The following IMPACT variants were observed in gnomAD, a reference collection of about 807,000 sequenced individuals.
IMPACT encodes impact RWD domain protein, also known as protein IMPACT.
IMPACT carries 35 observed loss-of-function variants against 47.5 expected under a neutral mutation model. That is an observed-to-expected ratio of 0.74 (90% confidence interval 0.56 to 0.98). IMPACT has a LOEUF of 0.98. Ranked by LOEUF, IMPACT falls within the 50% of genes least tolerant of loss-of-function variation. IMPACT has a pLI of 0.00. For missense variants in IMPACT, 373 were observed against 394.8 expected, an observed-to-expected ratio of 0.94 and a Z score of 0.47; for synonymous variants, 118 against 125.6, an observed-to-expected ratio of 0.94 and a Z score of 0.40.
At chr18:24,431,679 A>G (rs931247776) in intron 4 of IMPACT, among the ~76,000 whole-genome samples, 1 of 150,972 alleles carries the variant, frequency 6.6e-6, no homozygotes, top group Non-Finnish European at 1.5e-5. Flanking sequence ...TGCCCAGCTA[A>G]TTTTAATTTT....
chr18:24,432,933 C>T (rs915117872), intron 4 of IMPACT, among the ~76,000 whole-genome samples: 6 of 152,142 alleles, frequency 3.9e-5, no homozygotes, highest in Admixed American at 2.0e-4. Context: ...GGCTCTTCAC[C>T]TGCCTATCCC....
At chr18:24,447,629 T>G (rs1465050280) in intron 8 of IMPACT, among the ~76,000 whole-genome samples, 1 of 152,224 alleles carries the variant, frequency 6.6e-6, no homozygotes, top group Non-Finnish European at 1.5e-5. Context: ...ATGTTGGTTT[T>G]GTTGCCTTCA....
intron 1 of IMPACT, 196 bp from the exon 2 acceptor site, chr18:24,427,723 T>C: frequency 1.9e-6 from 1 of 539,208 alleles, no homozygotes. Context: ...GCTCCAGTCA[T>C]TGCAGTAGCG....
At chr18:24,426,864 C>G in intron 1 of IMPACT, 72 bp downstream of exon 1, 1 of 1,090,888 alleles carries the variant, frequency 9.2e-7, no homozygotes, top group Admixed American at 4.3e-5. Flanking sequence ...TCCTCCTCAG[C>G]CGAGGGGCCC....
In IMPACT at chr18:24,451,820, G is replaced by T. The variant is rs913159154; in HGVS notation, c.*973G>T. The T allele has an allele frequency of 1.3e-5, 2 of 152,140 alleles. No individual in the cohort carries two copies. The highest frequency in any genetic ancestry group is 4.8e-5 in the African/African-American group (2 of 41,404). 9.4% of individuals were successfully genotyped at this position (152,140 alleles called of 1,614,324 possible). ...ATCTGCACTCCAGACGGCTTTCTCAGTTCCAAGATTTTGCAGAGAGAAGGA... is the reference window on the plus strand; with the variant it reads ...ATCTGCACTCCAGACGGCTTTCTCATTTCCAAGATTTTGCAGAGAGAAGGA... On this transcript the variant is annotated 3_prime_UTR_variant, in exon 11 of 11. Transcript: ENST00000284202.
At position 24,445,388 on chromosome 18, in the gene IMPACT, T is replaced by C; in HGVS notation, c.595-5T>C. On this transcript the variant is annotated splice_region_variant and splice_polypyrimidine_tract_variant and intron_variant, in intron 7 of 10. Transcript: ENST00000284202. ...ATACTTATTTATATTATTGCTGTTT[T>C]TAAGGTGAAAATGGTTCTTTCCAAA... 6.5e-7 allele frequency: 1 copy of C among 1,550,048 alleles called. No individual in the cohort carries two copies.
chr18:24,450,150 C>T (rs749950538), intron 10 of IMPACT, among the ~76,000 whole-genome samples, 197 bp downstream of exon 10: 12 of 152,136 alleles, frequency 7.9e-5, no homozygotes, highest in South Asian at 2.1e-4. Flanking sequence ...TTAATCCCTT[C>T]GCACCTTGAT....
Position 24,449,936 on chromosome 18 carries a change from A to T in IMPACT, c.877A>T (p.Asn293Tyr), listed in dbSNP as rs199755454. The T allele has an allele frequency of 6.2e-7, 1 of 1,614,078 alleles. No homozygotes were observed. Among genetic ancestry groups the T allele is most frequent in the Non-Finnish European group, 8.5e-7 (1 of 1,179,960 alleles). Residue 293 changes from asparagine (N) to tyrosine (Y), a missense_variant, in exon 10 of 11, where the codon AAC (asparagine) becomes TAC (tyrosine). Transcript: ENST00000284202. ...NCARNILVEK[N>Y]YTNSPEESSK... ...TGCCAGAAACATACTAGTGGAAAAG[A>T]ACTACACAAATTCACCTGTAAGTGG...
intron 6 of IMPACT, among the ~76,000 whole-genome samples, chr18:24,442,352 C>A (rs1909139413): frequency 6.6e-6 from 1 of 152,018 alleles, no homozygotes; most frequent in Non-Finnish European, 1.5e-5. Context: ...GGGGGTTTCA[C>A]CATGTTGGCC....
chr18:24,430,001 TCTC>T (rs1908711081), intron 3 of IMPACT, among the ~76,000 whole-genome samples: 1 of 152,026 alleles, frequency 6.6e-6, no homozygotes, highest in Admixed American at 6.6e-5. Flanking sequence ...ATGGTCTTGA[TCTC>T]CTGACCTCGT....
intron 6 of IMPACT, among the ~76,000 whole-genome samples, chr18:24,441,052 G>GT (rs1568088326): frequency 1.6e-4 from 24 of 151,852 alleles, no homozygotes; most frequent in Admixed American, 1.0e-3. Context: ...GCCTTTAAGA[G>GT]GTTTTTTTTG....
At chr18:24,434,842 ATG>A (rs1235287960) in intron 4 of IMPACT, among the ~76,000 whole-genome samples, 9 of 138,566 alleles carry the variant, frequency 6.5e-5, no homozygotes, top group Admixed American at 2.2e-4. Context: ...GTGTATATAT[ATG>A]TGTGTATATA....
intron 5 of IMPACT, among the ~76,000 whole-genome samples, chr18:24,440,242 G>T (rs1328864264): frequency 2.6e-5 from 4 of 151,988 alleles, no homozygotes; most frequent in African/African-American, 4.8e-5. Context: ...AGCCCCTTCA[G>T]GTTAACTCCT....
At chr18:24,436,685 A>G (rs745923074) in intron 4 of IMPACT, among the ~76,000 whole-genome samples, 8 of 152,074 alleles carry the variant, frequency 5.3e-5, no homozygotes, top group Non-Finnish European at 1.2e-4. Context: ...AGTAGCTGGT[A>G]TTACAGGCAC....
chr18:24,435,405 T>C (rs1049218343), intron 4 of IMPACT: 2 of 152,196 alleles, frequency 1.3e-5, no homozygotes, highest in Non-Finnish European at 2.9e-5. Flanking sequence ...GGATTACAAG[T>C]TTTTTATAGT....
chr18:24,449,132 G>A (rs1468937927), intron 9 of IMPACT, among the ~76,000 whole-genome samples: 2 of 152,156 alleles, frequency 1.3e-5, no homozygotes, highest in Non-Finnish European at 2.9e-5. Flanking sequence ...AAGCTGAGGC[G>A]GGGAGATCAC....
chr18:24,427,330 C>T (rs900315347), intron 1 of IMPACT: 5 of 153,846 alleles, frequency 3.2e-5, no homozygotes, highest in African/African-American at 1.2e-4. Flanking sequence ...TGCTTCCCAT[C>T]TTTTCCCTTT....
rs560713000 is a variant in IMPACT, at chr18:24,443,863, T to C, written c.594+711T>C. ...CTTTTCTTCTTCCTTGCTTCTATAATGTAGCTCAGCTTACATTATTGATGT... is the reference window on the plus strand; with the variant it reads ...CTTTTCTTCTTCCTTGCTTCTATAACGTAGCTCAGCTTACATTATTGATGT... On this transcript the variant is annotated intron_variant, in intron 7 of 10. Transcript: ENST00000284202. Among the ~76,000 whole-genome samples the C allele has an allele frequency of 1.4e-3, 220 of 152,370 alleles. 1 individual carries two copies. Among genetic ancestry groups the C allele is most frequent in the African/African-American group, 5.0e-3 (209 of 41,588 alleles).
At chr18:24,442,258 A>G (rs961755729) in intron 6 of IMPACT, among the ~76,000 whole-genome samples, 9 of 151,140 alleles carry the variant, frequency 6.0e-5, no homozygotes, top group Admixed American at 1.3e-4. Context: ...GGTTCAAGCA[A>G]TTTTCCTGCC....
Sources: gnomAD v4.1 joint callset for allele counts (sites outside exome capture counted in the v4.1 genomes callset) on GRCh38, gnomAD v4.1.1 for gene constraint, MANE v1.5 for transcripts, NCBI Gene and HGNC (gene_info 2026-07-23, HGNC 2026-07-21) for gene names.